TDRD5: variants seen among roughly 807,000 people sequenced by gnomAD.
TDRD5 encodes the protein tudor domain containing 5.
In TDRD5, 41 loss-of-function variants were observed where a neutral mutation model predicts 120.6. The observed-to-expected ratio is 0.34, with a 90% confidence interval of 0.26 to 0.44. The LOEUF (loss-of-function observed/expected upper bound fraction) is 0.44. TDRD5 is among the 20% of genes least tolerant of loss of function. The pLI is 1.00. For synonymous variants in TDRD5, 430 were observed against 433.7 expected (o/e 0.99, Z 0.11); for missense variants, 1,006 against 1,221.2 (o/e 0.82, Z 2.63).
At chr1:179,609,298 CAT>C (rs1334177706) in intron 4 of TDRD5, among the ~76,000 whole-genome samples, 1 of 152,116 alleles carries the variant, frequency 6.6e-6, no homozygotes, top group African/African-American at 2.4e-5. Flanking sequence ...ATATGAAATT[CAT>C]ATATGTTTCA....
chr1:179,612,785 A>G (rs1279341829), intron 4 of TDRD5, among the ~76,000 whole-genome samples: 1 of 151,978 alleles, frequency 6.6e-6, no homozygotes, highest in Non-Finnish European at 1.5e-5. Context: ...AAATACAAGA[A>G]TTAGCTGGGG....
At chr1:179,637,946 C>T (rs891415755) in intron 9 of TDRD5, among the ~76,000 whole-genome samples, 1 of 152,070 alleles carries the variant, frequency 6.6e-6, no homozygotes, top group South Asian at 2.1e-4. Flanking sequence ...CAAGAATTTG[C>T]GAGTCAAGGA....
chr1:179,687,723 G>A (rs1680809161), intron 17 of TDRD5, among the ~76,000 whole-genome samples: 2 of 152,066 alleles, frequency 1.3e-5, no homozygotes, highest in Admixed American at 6.5e-5. Flanking sequence ...GAATCTGGGT[G>A]CTCCTGTATT....
At chr1:179,666,830 CTT>C (rs1679580140) in intron 16 of TDRD5, among the ~76,000 whole-genome samples, 1 of 152,132 alleles carries the variant, frequency 6.6e-6, no homozygotes, top group Admixed American at 6.5e-5. Context: ...GTAATCATGT[CTT>C]TTTTATTATA....
At chr1:179,607,957 C>T (rs1676068521) in intron 4 of TDRD5, among the ~76,000 whole-genome samples, 1 of 151,852 alleles carries the variant, frequency 6.6e-6, no homozygotes, top group Admixed American at 6.6e-5. Context: ...TTAACATATC[C>T]TGTAAGATAA....
intron 4 of TDRD5, among the ~76,000 whole-genome samples, chr1:179,601,497 A>G (rs1675710607): frequency 6.6e-6 from 1 of 152,108 alleles, no homozygotes; most frequent in Non-Finnish European, 1.5e-5. Flanking sequence ...GTTCCCACAT[A>G]TCAGTGAAAA....
chr1:179,626,095 G>A (rs1400153560), intron 6 of TDRD5, among the ~76,000 whole-genome samples: 1 of 152,096 alleles, frequency 6.6e-6, no homozygotes, highest in Non-Finnish European at 1.5e-5. Context: ...GATAGCATTG[G>A]GAGATATACC....
rs1679416207 is a variant in TDRD5, at chr1:179,663,469, C to G, written c.2627C>G (p.Thr876Ser). The G allele has an allele frequency of 1.9e-6, 3 of 1,612,420 alleles. No homozygotes were observed. Among genetic ancestry groups the G allele is most frequent in the Non-Finnish European group, 2.5e-6 (3 of 1,179,578 alleles). ...PEVLGAQEKN[T>S]GTNRTQKQLD... is the part of the protein sequence containing the mutation. ...GTACTGGGTGCTCAGGAAAAAAATA[C>G]TGGCACAAACAGGACTCAAAAGGTA... is the stretch of plus-strand genomic sequence containing the variant. Residue 876 changes from threonine (T) to serine (S), a missense_variant, in exon 16 of 18, where the codon ACT (threonine) becomes AGT (serine). By Grantham distance (58) the Thr-to-Ser change is moderately conservative. Transcript: ENST00000444136.
chr1:179,676,337 AG>A (rs1680147968), intron 17 of TDRD5, among the ~76,000 whole-genome samples: 1 of 152,216 alleles, frequency 6.6e-6, no homozygotes, highest in Non-Finnish European at 1.5e-5. Context: ...TGGAGCATTG[AG>A]GCCATTTACA....
At chr1:179,655,278 T>A (rs1206483974) in intron 14 of TDRD5, among the ~76,000 whole-genome samples, 1 of 152,130 alleles carries the variant, frequency 6.6e-6, no homozygotes, top group African/African-American at 2.4e-5. Context: ...TTTTGTCCCT[T>A]CCCCCTACCA....
chr1:179,602,976 C>G (rs1193691924), intron 4 of TDRD5, among the ~76,000 whole-genome samples: 2 of 152,118 alleles, frequency 1.3e-5, no homozygotes, highest in African/African-American at 4.8e-5. Flanking sequence ...GCAGTATGGT[C>G]ATTTTCACAA....
chr1:179,616,136 C>T (rs904706817), intron 4 of TDRD5, among the ~76,000 whole-genome samples: 22 of 152,070 alleles, frequency 1.4e-4, no homozygotes, highest in African/African-American at 5.1e-4. Context: ...AATTTGCTGA[C>T]CTTTGTCATA....
rs561957950 is a variant in TDRD5 at position 179,687,418 on chromosome 1, T to G, written c.2861-3278T>G. On this transcript the variant is annotated intron_variant, in intron 17 of 17. Transcript: ENST00000444136. ...CTGTGGTCTGAGGCACAGTTTGTTA[T>G]AATTTCTATTCTTTTACCTTTGCTG... is the stretch of plus-strand genomic sequence containing the variant. Among the ~76,000 whole-genome samples, 9 of 152,356 alleles carry G rather than the reference T, an allele frequency of 5.9e-5. No homozygotes were observed. In the South Asian group the frequency reaches 8.3e-4, roughly 14 times the overall value.
intron 6 of TDRD5, among the ~76,000 whole-genome samples, chr1:179,626,860 C>T (rs1677157038): frequency 6.6e-6 from 1 of 152,050 alleles, no homozygotes; most frequent in Admixed American, 6.5e-5. Context: ...AAGAAGGAAA[C>T]AGAATGAAGC....
intron 6 of TDRD5, among the ~76,000 whole-genome samples, chr1:179,628,319 CTTTTCT>C (rs561820891): frequency 0.16 from 12,214 of 75,152 alleles, 533 homozygotes; most frequent in East Asian, 0.21. Flanking sequence ...CTTTTCTTTT[CTTTTCT>C]TTTTTTTTTT....
intron 3 of TDRD5, among the ~76,000 whole-genome samples, chr1:179,594,797 G>A (rs1384932390): frequency 6.6e-6 from 1 of 152,182 alleles, no homozygotes. Flanking sequence ...ACTTGGATAG[G>A]GAAGGCTCTG....
chr1:179,628,324 CTTT>C (rs71569258), intron 6 of TDRD5, among the ~76,000 whole-genome samples: 4 of 54,608 alleles, frequency 7.3e-5, no homozygotes, highest in East Asian at 1.3e-3. Flanking sequence ...CTTTTCTTTT[CTTT>C]TTTTTTTTTT....
At chr1:179,616,546 T>C (rs951852168) in intron 4 of TDRD5, among the ~76,000 whole-genome samples, 2 of 152,142 alleles carry the variant, frequency 1.3e-5, no homozygotes, top group African/African-American at 4.8e-5. Context: ...TTGCTAAAAA[T>C]CTCTAGTATC....
intron 4 of TDRD5, among the ~76,000 whole-genome samples, chr1:179,604,937 G>T (rs900510659): frequency 1.3e-5 from 2 of 152,056 alleles, no homozygotes; most frequent in East Asian, 1.9e-4. Flanking sequence ...TTAACTTTCT[G>T]TCTTGATGAC....
Sources: gnomAD v4.1 joint callset for allele counts (sites outside exome capture counted in the v4.1 genomes callset) on GRCh38, gnomAD v4.1.1 for gene constraint, MANE v1.5 for transcripts, NCBI Gene and HGNC (gene_info 2026-07-23, HGNC 2026-07-21) for gene names.